Variants in PTPRD observed in about 807,000 individuals in gnomAD.
The protein encoded by PTPRD is receptor-type tyrosine-protein phosphatase delta.
PTPRD carries 34 observed loss-of-function variants against 214.5 expected under a neutral mutation model. The observed-to-expected ratio is 0.16, with a 90% CI of 0.12 to 0.21. The LOEUF is 0.21. Among genes scored for constraint, PTPRD ranks in the 10% least tolerant of loss-of-function variants. The probability of loss-of-function intolerance (pLI) is 1.00; values close to 1 mark genes in which losing one functional copy is unlikely to be tolerated. For synonymous variants in PTPRD, 1,128 were observed against 845.7 expected, an observed-to-expected ratio of 1.33 and a Z score of -5.79; for missense variants, 2,545 against 2,398.7, an observed-to-expected ratio of 1.06 and a Z score of -1.27.
chr9:8,787,944 C>T (rs2096060905), intron 11 of PTPRD, among the ~76,000 whole-genome samples: 1 of 152,124 alleles, frequency 6.6e-6, no homozygotes, highest in South Asian at 2.1e-4. Flanking sequence ...ACCCTATCTA[C>T]AAGTGTTATT....
At chr9:8,716,210 G>A (rs186595521) in intron 12 of PTPRD, among the ~76,000 whole-genome samples, 2 of 152,128 alleles carry the variant, frequency 1.3e-5, no homozygotes, top group African/African-American at 2.4e-5. Flanking sequence ...CCCACCCTTG[G>A]GCTAGGAGAC....
chr9:10,540,827 T>C (rs2058942249), intron 2 of PTPRD, among the ~76,000 whole-genome samples: 1 of 151,958 alleles, frequency 6.6e-6, no homozygotes, highest in African/African-American at 2.4e-5. Context: ...ATGGATGTTT[T>C]TCAAATCATA....
In PTPRD at chr9:9,407,849, A is replaced by G. The variant is rs561322791; in HGVS notation, c.-236-10367T>C. ...TGTATTACTATATTTATGATAAAAG[A>G]ACTTTGTTTCCTTTCCTCTCACGTA... On this transcript the variant is annotated intron_variant, in intron 8 of 45. Coordinates refer to ENST00000381196, the MANE Select transcript of PTPRD (RefSeq NM_002839.4). 1.4e-4 allele frequency among the ~76,000 whole-genome samples: 21 copies of G among 151,974 alleles called. No individual in the cohort carries two copies. In the South Asian group the frequency reaches 4.3e-3, roughly 31 times the overall value.
At chr9:10,525,307 C>G (rs1040644921) in intron 2 of PTPRD, among the ~76,000 whole-genome samples, 1 of 151,764 alleles carries the variant, frequency 6.6e-6, no homozygotes, top group African/African-American at 2.4e-5. Flanking sequence ...TAAAAGTCTC[C>G]CTATATAATG....
chr9:8,508,917 G>GTC (rs2097604164), intron 21 of PTPRD, among the ~76,000 whole-genome samples: 1 of 151,646 alleles, frequency 6.6e-6, no homozygotes, highest in African/African-American at 2.4e-5. Context: ...GTGTGTGTGT[G>GTC]TGTGTGTGTA....
At chr9:8,743,101 A>T (rs929376030) in intron 11 of PTPRD, among the ~76,000 whole-genome samples, 3 of 114,392 alleles carry the variant, frequency 2.6e-5, no homozygotes, top group African/African-American at 8.5e-5. Context: ...AAAAATTCCA[A>T]ATTAAAAAAA....
chr9:9,418,815 A>T (rs2142327523), intron 8 of PTPRD, among the ~76,000 whole-genome samples: 1 of 152,078 alleles, frequency 6.6e-6, no homozygotes, highest in South Asian at 2.1e-4. Flanking sequence ...CTATATTTGA[A>T]CCAGACTGGT....
intron 14 of PTPRD, among the ~76,000 whole-genome samples, chr9:8,590,652 C>T (rs768406846): frequency 2.0e-5 from 3 of 152,124 alleles, no homozygotes; most frequent in Non-Finnish European, 4.4e-5. Context: ...AAATGAATGA[C>T]TCAAAGGAAT....
At chr9:9,922,167 G>A (rs992229806) in intron 5 of PTPRD, among the ~76,000 whole-genome samples, 2 of 152,068 alleles carry the variant, frequency 1.3e-5, no homozygotes, top group African/African-American at 4.8e-5. Flanking sequence ...GAGTGCTTTA[G>A]AAGGCACGAA....
At chr9:8,608,462 T>C (rs2154287087) in intron 14 of PTPRD, among the ~76,000 whole-genome samples, 1 of 152,244 alleles carries the variant, frequency 6.6e-6, no homozygotes, top group East Asian at 1.9e-4. Flanking sequence ...TAGCGCTCCC[T>C]GTTCACCCAG....
chr9:9,195,574 G>C (rs1047294716), intron 9 of PTPRD, among the ~76,000 whole-genome samples: 1 of 152,120 alleles, frequency 6.6e-6, no homozygotes, highest in African/African-American at 2.4e-5. Context: ...TTTTGTTAAA[G>C]TATTGGTTTT....
At chr9:10,214,671 T>C (rs1186729134) in intron 3 of PTPRD, among the ~76,000 whole-genome samples, 1 of 152,106 alleles carries the variant, frequency 6.6e-6, no homozygotes, top group African/African-American at 2.4e-5. Context: ...ACACAAGGCC[T>C]GCCTCTATGC....
intron 12 of PTPRD, among the ~76,000 whole-genome samples, chr9:8,675,575 G>A (rs2097392120): frequency 7.6e-6 from 1 of 131,140 alleles, no homozygotes; most frequent in Non-Finnish European, 1.6e-5. Flanking sequence ...CTCACGCCTG[G>A]CAATCCTATT....
intron 10 of PTPRD, among the ~76,000 whole-genome samples, chr9:9,129,695 G>GAGTT (rs1491572614): frequency 6.6e-6 from 1 of 152,166 alleles, no homozygotes; most frequent in Non-Finnish European, 1.5e-5. Context: ...TCAATTGTTT[G>GAGTT]AGTTAGTCAC....
intron 2 of PTPRD, among the ~76,000 whole-genome samples, chr9:10,598,650 G>A (rs1193529381): frequency 2.0e-5 from 3 of 146,830 alleles, no homozygotes; most frequent in Non-Finnish European, 1.5e-5. Flanking sequence ...TGAATTAAAT[G>A]TTTTGAACCA....
At chr9:10,372,739 T>C (rs1313508119) in intron 2 of PTPRD, among the ~76,000 whole-genome samples, 1 of 152,004 alleles carries the variant, frequency 6.6e-6, no homozygotes, top group African/African-American at 2.4e-5. Context: ...ACTAGCGTTC[T>C]TGTTAATGTT....
chr9:9,637,178 C>T (rs990299684), intron 7 of PTPRD, among the ~76,000 whole-genome samples: 37 of 152,088 alleles, frequency 2.4e-4, no homozygotes, highest in African/African-American at 8.9e-4. Context: ...ACCCCAGAAC[C>T]CCCAAATTTA....
At chr9:9,091,369 A>G in intron 10 of PTPRD, 1 of 696,876 alleles carries the variant, frequency 1.4e-6, no homozygotes, top group Admixed American at 2.1e-5. Flanking sequence ...ACATTTCTGT[A>G]AATCTCCAAT....
intron 2 of PTPRD, among the ~76,000 whole-genome samples, chr9:10,487,670 G>A (rs1387512289): frequency 1.3e-5 from 2 of 151,924 alleles, no homozygotes; most frequent in Non-Finnish European, 2.9e-5. Flanking sequence ...CATGGACACA[G>A]GGAGGGGAAT....
Sources: allele counts gnomAD v4.1 joint callset (sites outside exome capture counted in the v4.1 genomes callset), GRCh38; gene constraint gnomAD v4.1.1; transcripts MANE v1.5; gene names NCBI Gene and HGNC (gene_info 2026-07-23, HGNC 2026-07-21).